Variants in AGPAT3 observed in about 807,000 individuals in gnomAD.
AGPAT3 encodes the protein 1-acylglycerol-3-phosphate O-acyltransferase 3, also known as 1-acyl-sn-glycerol-3-phosphate acyltransferase gamma.
AGPAT3 carries 5 observed loss-of-function variants against 47.3 expected under a neutral mutation model. That is an observed-to-expected ratio of 0.11 (90% CI 0.06 to 0.22). The LOEUF is 0.22. Among genes scored for constraint, AGPAT3 ranks in the 10% least tolerant of loss-of-function variants. AGPAT3 has a pLI of 1.00. For synonymous variants in AGPAT3, 212 were observed against 208.3 expected (o/e 1.02, Z -0.15); for missense variants, 315 against 493.0 (o/e 0.64, Z 3.42).
rs780878304 is a variant in AGPAT3, at chr21:43,959,792, G to C, written c.111G>C (p.Ala37=). The C allele has an allele frequency of 2.5e-6, 4 of 1,613,304 alleles. No homozygotes were observed. Among genetic ancestry groups the C allele is most frequent in the South Asian group, 2.2e-5 (2 of 91,088 alleles). ...VINFVQLCTL[A]LWPVSKQLYR... ...ACTTCGTCCAGCTGTGCACGCTGGC[G>C]CTCTGGCCGGTCAGCAAGCAGCTCT... Residue 37 remains alanine, a synonymous_variant, in exon 3 of 10, where the codon GCG becomes GCC. Coordinates refer to ENST00000291572, the MANE Select transcript of AGPAT3 (RefSeq NM_020132.5).
chr21:43,931,325 C>T (rs13052002), intron 2 of AGPAT3, among the ~76,000 whole-genome samples: 7,133 of 152,260 alleles, frequency 0.047, 238 homozygotes, highest in Non-Finnish European at 0.071. Context: ...GTGGAATCTT[C>T]ATGGGGTTTA....
chr21:43,969,005 C>T lies in AGPAT3; in HGVS notation c.349-113C>T, dbSNP rs530665610. 61 of 1,150,520 alleles carry T rather than the reference C, an allele frequency of 5.3e-5. No individual in the cohort carries two copies. In the African/African-American group the frequency reaches 5.9e-4, roughly 11 times the overall value. The allele number at this position is 1,150,520 out of a possible 1,614,324, so 71.3% of individuals were successfully genotyped here. ...CAGCAGACCCCCTGAGCCACAAAGC[C>T]GTGACTCCTAGAGCGACACCACACA... is the stretch of plus-strand genomic sequence containing the variant. On this transcript the variant is annotated intron_variant, in intron 4 of 9. Coordinates refer to ENST00000291572, the MANE Select transcript of AGPAT3 (RefSeq NM_020132.5).
At chr21:43,865,707 A>T (rs970967415) in intron 1 of AGPAT3, among the ~76,000 whole-genome samples, 1 of 150,736 alleles carries the variant, frequency 6.6e-6, no homozygotes, top group South Asian at 2.1e-4. Context: ...GGCCGGGCCG[A>T]GGGAGGGCGA....
intron 2 of AGPAT3, among the ~76,000 whole-genome samples, chr21:43,906,115 A>G (rs2086487523): frequency 6.6e-6 from 1 of 152,214 alleles, no homozygotes; most frequent in Non-Finnish European, 1.5e-5. Flanking sequence ...GGTCTAGGAA[A>G]AAGAACAGAA....
intron 2 of AGPAT3, among the ~76,000 whole-genome samples, chr21:43,949,309 G>A (rs1371110693): frequency 6.6e-6 from 1 of 152,210 alleles, no homozygotes; most frequent in Non-Finnish European, 1.5e-5. Flanking sequence ...GTTGGGCTCA[G>A]CAACATGGTT....
chr21:43,894,860 T>C (rs1321293784), intron 1 of AGPAT3, among the ~76,000 whole-genome samples: 1 of 152,208 alleles, frequency 6.6e-6, no homozygotes, highest in African/African-American at 2.4e-5. Flanking sequence ...CCTGAAGCAC[T>C]GGACTCTGTT....
rs1460832801 is a variant in AGPAT3, at chr21:43,933,077, C to T, written c.-48-26557C>T. 6.6e-6 allele frequency among the ~76,000 whole-genome samples: 1 copy of T among 152,218 alleles called. No individual in the cohort carries two copies. Among genetic ancestry groups the T allele is most frequent in the African/African-American group, 2.4e-5 (1 of 41,442 alleles). ...TCTGCGTTCTCGTCAACACCTGTTA[C>T]ATTCGTCTTTTTGATAATAGCCAAC... On this transcript the variant is annotated intron_variant, in intron 2 of 9. Coordinates refer to ENST00000291572, the MANE Select transcript of AGPAT3 (RefSeq NM_020132.5). This position sits in a 1 kb window ranked among gnomAD's most constrained non-coding sequence, Gnocchi z 6.0.
At chr21:43,867,035 C>T (rs927675143) in intron 1 of AGPAT3, 31 of 152,416 alleles carry the variant, frequency 2.0e-4, no homozygotes, top group African/African-American at 7.0e-4. Flanking sequence ...CCTGGACGCG[C>T]GTCTGTGTGC....
At chr21:43,918,103 G>T (rs1404711766) in intron 2 of AGPAT3, among the ~76,000 whole-genome samples, 3 of 147,238 alleles carry the variant, frequency 2.0e-5, no homozygotes, top group Non-Finnish European at 4.5e-5. Context: ...GTTGTGTTGT[G>T]GGTGTTGTGT....
rs545571674 is a variant in AGPAT3 at position 43,975,859 on chromosome 21, G to T, written c.768-2187G>T. Among the ~76,000 whole-genome samples, 60 of 152,302 alleles carry T rather than the reference G, an allele frequency of 3.9e-4. No homozygotes were observed. The Middle Eastern group carries it at 0.01, about 26-fold the overall frequency. ...TGTCCCCACCTGGTGGCACGGGGCCGCCCTTCCTTAGCAAAGTGATTCTCT... is the reference window on the plus strand; with the variant it reads ...TGTCCCCACCTGGTGGCACGGGGCCTCCCTTCCTTAGCAAAGTGATTCTCT... On this transcript the variant is annotated intron_variant, in intron 7 of 9. Transcript: ENST00000291572.
At chr21:43,975,662 C>T (rs1169689285) in intron 7 of AGPAT3, among the ~76,000 whole-genome samples, 1 of 152,240 alleles carries the variant, frequency 6.6e-6, no homozygotes, top group Non-Finnish European at 1.5e-5. Context: ...CCCTCCTGGG[C>T]GCTGGGAGCA....
At chr21:43,906,088 G>A (rs184640296) in intron 2 of AGPAT3, among the ~76,000 whole-genome samples, 60 of 152,306 alleles carry the variant, frequency 3.9e-4, no homozygotes, top group Admixed American at 2.6e-3. Flanking sequence ...GGGACATCAC[G>A]GTTCTGTAAT....
Position 43,934,863 on chromosome 21 carries a change from G to A in AGPAT3, c.-48-24771G>A, listed in dbSNP as rs1888525. Among the ~76,000 whole-genome samples, 111,889 of 148,556 alleles carry A rather than the reference G, an allele frequency of 0.75. 42,118 individuals carry two copies. Among genetic ancestry groups the A allele is most frequent in the Admixed American group, 0.83 (12,462 of 15,030 alleles). On this transcript the variant is annotated intron_variant, in intron 2 of 9. Transcript: ENST00000291572. This position sits in a 1 kb window ranked among gnomAD's most constrained non-coding sequence, Gnocchi z 4.7. ...GACGCCACTCACATGCCACTCACATGCCATTGACACGCCACCCACGCCACT... is the reference window on the plus strand; with the variant it reads ...GACGCCACTCACATGCCACTCACATACCATTGACACGCCACCCACGCCACT...
At position 43,959,850 on chromosome 21, in the gene AGPAT3, C is replaced by T; in HGVS notation, c.169C>T (p.Leu57Phe). Residue 57 changes from leucine to phenylalanine, a missense_variant, in exon 3 of 10, where the codon CTC (leucine) becomes TTC (phenylalanine). Transcript: ENST00000291572. ...RRLNCRLAYSLWSQLVMLLEW... is the reference protein window; with the variant it reads ...RRLNCRLAYSFWSQLVMLLEW... ...CCTCAACTGCCGCCTCGCCTACTCACTCTGGAGCCGTGAGTGTCTGCTGGG... is the reference window on the plus strand; with the variant it reads ...CCTCAACTGCCGCCTCGCCTACTCATTCTGGAGCCGTGAGTGTCTGCTGGG... 2 of 1,607,238 alleles carry T rather than the reference C, an allele frequency of 1.2e-6. No individual in the cohort carries two copies. The highest frequency in any genetic ancestry group is 1.7e-6 in the Non-Finnish European group (2 of 1,179,060).
At chr21:43,866,199 T>TA (rs146400522) in intron 1 of AGPAT3, among the ~76,000 whole-genome samples, 45,784 of 142,604 alleles carry the variant, frequency 0.32, 8,033 homozygotes, top group Non-Finnish European at 0.4. Context: ...CCCAGACCTT[T>TA]AAAAAAAAAA....
rs1282560621 is a variant in AGPAT3 at position 43,908,314 on chromosome 21, T to C, written c.-49+4295T>C. On this transcript the variant is annotated intron_variant, in intron 2 of 9. Transcript: ENST00000291572. The surrounding 1 kb of genome is among the most constrained non-coding windows in gnomAD (Gnocchi z 4.9). ...GACTCTGGGGAAGGAATGCCTGTCG[T>C]GAGCGGAACCAGCCAAGTTCACACA... is the stretch of plus-strand genomic sequence containing the variant. 6.6e-6 allele frequency among the ~76,000 whole-genome samples: 1 copy of C among 152,170 alleles called. No individual in the cohort carries two copies. Among genetic ancestry groups the C allele is most frequent in the Non-Finnish European group, 1.5e-5 (1 of 68,022 alleles).
intron 1 of AGPAT3, among the ~76,000 whole-genome samples, chr21:43,866,024 C>G (rs1431822211): frequency 6.6e-6 from 1 of 151,836 alleles, no homozygotes; most frequent in African/African-American, 2.4e-5. Context: ...GGGCGAAAAC[C>G]CACTCCTGGC....
chr21:43,896,828 G>A (rs768103565), intron 1 of AGPAT3, among the ~76,000 whole-genome samples: 15 of 151,304 alleles, frequency 9.9e-5, no homozygotes, highest in Non-Finnish European at 1.8e-4. Flanking sequence ...TGTTTGCTTT[G>A]CATGTCTCTT....
In AGPAT3 at chr21:43,941,697, C is replaced by T. The variant is rs1015928270; in HGVS notation, c.-48-17937C>T. 3.9e-5 allele frequency among the ~76,000 whole-genome samples: 6 copies of T among 152,224 alleles called. No homozygotes were observed. In the South Asian group the frequency reaches 6.2e-4, roughly 16 times the overall value. The stretch of plus-strand genomic sequence containing the variant: ...TCACTCATCCTCAACCTGGGGCTAC[C>T]GCGAGTGTGACGGGGGCCATGTATA... On this transcript the variant is annotated intron_variant, in intron 2 of 9. Transcript: ENST00000291572.
Sources: gnomAD v4.1 joint callset for allele counts (sites outside exome capture counted in the v4.1 genomes callset) on GRCh38, gnomAD v4.1.1 for gene constraint, Gnocchi (gnomAD v3.1) non-coding constraint, MANE v1.5 for transcripts, NCBI Gene and HGNC (gene_info 2026-07-23, HGNC 2026-07-21) for gene names.